FRMD5: variants seen among roughly 807,000 people sequenced by gnomAD.
The protein encoded by FRMD5 is FERM domain-containing protein 5.
A neutral mutation model predicts 69.0 loss-of-function variants in FRMD5; 20 were observed. The observed-to-expected ratio is 0.29, with a 90% CI of 0.20 to 0.42. The LOEUF (loss-of-function observed/expected upper bound fraction) is 0.42. FRMD5 is among the 10% of genes least tolerant of loss of function. The pLI is 1.00. For missense variants in FRMD5, 595 were observed against 708.6 expected, an observed-to-expected ratio of 0.84 and a Z score of 1.82; for synonymous variants, 271 against 260.1, an observed-to-expected ratio of 1.04 and a Z score of -0.40.
At position 43,990,157 on chromosome 15, in the gene FRMD5, C is replaced by T. The variant is rs867678104; in HGVS notation, c.103-65848G>A. ...TTGCACATGCCAGAGCCATTGTCGA[C>T]GACAAGCATGGTGATATCATCATCC... On this transcript the variant is annotated intron_variant, in intron 1 of 13. Coordinates refer to ENST00000417257, the MANE Select transcript of FRMD5 (RefSeq NM_032892.5). 16 of 575,136 alleles carry T rather than the reference C, an allele frequency of 2.8e-5. No homozygotes were observed. In the East Asian group the frequency reaches 3.0e-4, roughly 11 times the overall value. 35.6% of individuals were successfully genotyped at this position (575,136 alleles called of 1,614,324 possible).
chr15:43,964,512 CAAAAG>C (rs956605060), intron 1 of FRMD5, among the ~76,000 whole-genome samples: 2 of 143,994 alleles, frequency 1.4e-5, no homozygotes, highest in Non-Finnish European at 3.0e-5. Flanking sequence ...AAAAAAAAAA[CAAAAG>C]AAAAGAAAAA....
chr15:44,036,108 A>G (rs1348337624), intron 1 of FRMD5, among the ~76,000 whole-genome samples: 4 of 152,158 alleles, frequency 2.6e-5, no homozygotes, highest in African/African-American at 2.4e-5. Context: ...ATTGCCCATA[A>G]TATGTACTGA....
At chr15:43,964,678 G>C (rs575973258) in intron 1 of FRMD5, among the ~76,000 whole-genome samples, 1 of 152,076 alleles carries the variant, frequency 6.6e-6, no homozygotes, top group East Asian at 1.9e-4. Context: ...ATGGAGAAAA[G>C]ATATTACCTA....
chr15:44,006,567 C>A (rs558952087), intron 1 of FRMD5, among the ~76,000 whole-genome samples: 1 of 152,308 alleles, frequency 6.6e-6, no homozygotes, highest in Non-Finnish European at 1.5e-5. Context: ...TGAATGCCAT[C>A]ATTCTAGATG....
chr15:44,116,951 G>A (rs1490171764), intron 1 of FRMD5, among the ~76,000 whole-genome samples: 16 of 151,052 alleles, frequency 1.1e-4, no homozygotes, highest in Non-Finnish European at 1.0e-4. Flanking sequence ...GCATGGTGGC[G>A]TGGGCCTGTA....
At chr15:44,012,768 T>C (rs962879155) in intron 1 of FRMD5, among the ~76,000 whole-genome samples, 1 of 143,352 alleles carries the variant, frequency 7.0e-6, no homozygotes, top group Non-Finnish European at 1.5e-5. Flanking sequence ...TGGGTTTTTT[T>C]TTTTTTTTTT....
At chr15:44,107,664 A>G (rs1349527681) in intron 1 of FRMD5, among the ~76,000 whole-genome samples, 1 of 152,224 alleles carries the variant, frequency 6.6e-6, no homozygotes, top group African/African-American at 2.4e-5. Context: ...ACATTCCATT[A>G]AAATATAAAA....
At chr15:44,190,372 T>C (rs556076511) in intron 1 of FRMD5, among the ~76,000 whole-genome samples, 1 of 152,276 alleles carries the variant, frequency 6.6e-6, no homozygotes, top group South Asian at 2.1e-4. Context: ...GAAGGAAACT[T>C]CTGTAGCTAT....
chr15:43,997,639 G>A (rs79394682), intron 1 of FRMD5, among the ~76,000 whole-genome samples: 5 of 77,630 alleles, frequency 6.4e-5, no homozygotes, highest in African/African-American at 2.0e-4. Context: ...TTTTCCCCTG[G>A]GCCTGATTTC....
intron 1 of FRMD5, among the ~76,000 whole-genome samples, chr15:43,943,518 T>G (rs1016450784): frequency 6.6e-5 from 10 of 152,256 alleles, no homozygotes; most frequent in Non-Finnish European, 2.9e-5. Flanking sequence ...AACCTTAGAA[T>G]GTGACCTTAT....
chr15:43,892,880 G>T (rs2088825705), intron 7 of FRMD5, among the ~76,000 whole-genome samples: 1 of 152,162 alleles, frequency 6.6e-6, no homozygotes, highest in Admixed American at 6.5e-5. Context: ...GAGGCAGGTG[G>T]ATCATCTGAG....
chr15:44,018,391 C>T (rs775509684), intron 1 of FRMD5, among the ~76,000 whole-genome samples: 1 of 152,156 alleles, frequency 6.6e-6, no homozygotes, highest in Non-Finnish European at 1.5e-5. Context: ...TCGAGCTACT[C>T]TTAATGGCTG....
intron 1 of FRMD5, among the ~76,000 whole-genome samples, chr15:44,179,066 G>C (rs1029484769): frequency 3.9e-5 from 6 of 151,990 alleles, no homozygotes; most frequent in Admixed American, 1.3e-4. Flanking sequence ...TGTAGACTGG[G>C]ATGTACCTTT....
At chr15:44,084,550 C>G (rs1000961013) in intron 1 of FRMD5, among the ~76,000 whole-genome samples, 4 of 152,100 alleles carry the variant, frequency 2.6e-5, no homozygotes, top group African/African-American at 9.7e-5. Context: ...CTTGCAACTT[C>G]CTGGTTCTTC....
At chr15:44,173,740 C>T (rs1035497010) in intron 1 of FRMD5, among the ~76,000 whole-genome samples, 5 of 152,204 alleles carry the variant, frequency 3.3e-5, no homozygotes, top group Middle Eastern at 3.4e-3. Context: ...TCTCGAACTC[C>T]TGAGCTCAAG....
At chr15:44,118,243 G>A (rs2076898592) in intron 1 of FRMD5, among the ~76,000 whole-genome samples, 2 of 152,084 alleles carry the variant, frequency 1.3e-5, no homozygotes, top group Non-Finnish European at 2.9e-5. Flanking sequence ...AGCAGACCAA[G>A]TTAGTCCATA....
intron 1 of FRMD5, among the ~76,000 whole-genome samples, chr15:44,030,327 A>G (rs989532207): frequency 2.0e-5 from 3 of 152,168 alleles, no homozygotes; most frequent in African/African-American, 4.8e-5. Flanking sequence ...GCAGAATCAC[A>G]AAGCCACTCC....
chr15:44,065,526 AC>A (rs1271727181), intron 1 of FRMD5, among the ~76,000 whole-genome samples: 1 of 152,230 alleles, frequency 6.6e-6, no homozygotes, highest in African/African-American at 2.4e-5. Context: ...AGAGTTAATA[AC>A]ACTATGCATA....
chr15:44,109,601 C>T (rs907917632), intron 1 of FRMD5, among the ~76,000 whole-genome samples: 1 of 152,070 alleles, frequency 6.6e-6, no homozygotes, highest in South Asian at 2.1e-4. Flanking sequence ...TCCCACCCTA[C>T]GGTGGTACAT....
Sources: allele counts gnomAD v4.1 joint callset (sites outside exome capture counted in the v4.1 genomes callset), GRCh38; gene constraint gnomAD v4.1.1; transcripts MANE v1.5; gene names NCBI Gene and HGNC (gene_info 2026-07-23, HGNC 2026-07-21).